The following GMDS variants were observed in gnomAD, a reference collection of about 807,000 sequenced individuals.
GMDS encodes GDP-mannose 4,6-dehydratase, also known as GDP-mannose 4,6 dehydratase.
In GMDS, 20 loss-of-function variants were observed where a neutral mutation model predicts 49.9. That is an observed-to-expected ratio of 0.40 (90% CI 0.28 to 0.58). The LOEUF (loss-of-function observed/expected upper bound fraction) is 0.58, where lower values mean the gene tolerates loss of function less well. Ranked by LOEUF, GMDS falls within the 20% of genes least tolerant of loss-of-function variation. The pLI, the probability that GMDS is intolerant of heterozygous loss-of-function variation, is 0.42. For missense variants in GMDS, 362 were observed against 481.4 expected, an observed-to-expected ratio of 0.75 and a Z score of 2.32; for synonymous variants, 177 against 178.6, an observed-to-expected ratio of 0.99 and a Z score of 0.07.
chr6:1,959,165 T>C (rs1312967802), intron 6 of GMDS, among the ~76,000 whole-genome samples: 1 of 152,240 alleles, frequency 6.6e-6, no homozygotes, highest in East Asian at 1.9e-4. Context: ...TCTAGTGTTC[T>C]GTGGAGTGCT....
In GMDS at chr6:2,182,483, C is replaced by CA. The variant is rs564333109; in HGVS notation, c.103-57753dup. 3.2e-3 allele frequency among the ~76,000 whole-genome samples: 490 copies of CA among 152,330 alleles called. 3 individuals carry two copies. Among genetic ancestry groups the CA allele is most frequent in the African/African-American group, 0.011 (476 of 41,580 alleles). ...GCAGAGATGTCAATGCCTATCTTCA[C>CA]AGCTTCAACTGACAGGCTGACTCTC... On this transcript the variant is annotated intron_variant, in intron 1 of 10. Transcript: ENST00000380815.
chr6:1,713,789 C>T (rs75260118), intron 9 of GMDS, among the ~76,000 whole-genome samples: 3 of 152,218 alleles, frequency 2.0e-5, no homozygotes, highest in South Asian at 2.1e-4. Context: ...ATCTGATCCA[C>T]GGGCCTATCT....
intron 1 of GMDS, among the ~76,000 whole-genome samples, chr6:2,173,407 A>G (rs1017505624): frequency 1.3e-5 from 2 of 152,246 alleles, no homozygotes; most frequent in Non-Finnish European, 2.9e-5. Flanking sequence ...CGATGATTTG[A>G]TAACTTTAAC....
intron 8 of GMDS, among the ~76,000 whole-genome samples, chr6:1,738,154 TACAC>T (rs34042918): frequency 6.7e-6 from 1 of 149,570 alleles, no homozygotes; most frequent in Non-Finnish European, 1.5e-5. Flanking sequence ...CAGATACACA[TACAC>T]ACACACAGAC....
At chr6:1,630,092 G>A (rs1355725716) in intron 9 of GMDS, among the ~76,000 whole-genome samples, 1 of 152,112 alleles carries the variant, frequency 6.6e-6, no homozygotes, top group Non-Finnish European at 1.5e-5. Flanking sequence ...TAAAAATATG[G>A]TTGACATAGT....
intron 4 of GMDS, among the ~76,000 whole-genome samples, chr6:2,057,279 G>A (rs1307591100): frequency 6.6e-6 from 1 of 152,124 alleles, no homozygotes; most frequent in African/African-American, 2.4e-5. Flanking sequence ...GAGGTCTCAT[G>A]ATAATATCTT....
intron 8 of GMDS, among the ~76,000 whole-genome samples, chr6:1,738,437 CA>C (rs1767133606): frequency 6.6e-6 from 1 of 152,142 alleles, no homozygotes; most frequent in Non-Finnish European, 1.5e-5. Context: ...TCAAAGACTT[CA>C]AGAGGAAATA....
chr6:2,182,888 T>C (rs1778617315), intron 1 of GMDS, among the ~76,000 whole-genome samples: 1 of 152,136 alleles, frequency 6.6e-6, no homozygotes, highest in Admixed American at 6.6e-5. Context: ...TGTATTTTTT[T>C]GTAGAGACAG....
chr6:1,871,208 T>C (rs1758727240), intron 7 of GMDS, among the ~76,000 whole-genome samples: 1 of 152,194 alleles, frequency 6.6e-6, no homozygotes, highest in Non-Finnish European at 1.5e-5. Flanking sequence ...AGCTGGGACC[T>C]GTTTGTGACT....
intron 4 of GMDS, among the ~76,000 whole-genome samples, chr6:2,111,797 A>T (rs945627285): frequency 6.6e-6 from 1 of 152,268 alleles, no homozygotes; most frequent in African/African-American, 2.4e-5. Context: ...TTGTCTAAAT[A>T]TATCTATGAA....
rs776232284 is a variant in GMDS at position 1,877,643 on chromosome 6, T to TCAAAAAAA, written c.771+52459_771+52460insTTTTTTTG. 2.1e-4 allele frequency among the ~76,000 whole-genome samples: 11 copies of TCAAAAAAA among 51,774 alleles called. No individual in the cohort carries two copies. In the East Asian group the frequency reaches 2.4e-3, roughly 11 times the overall value. The allele number at this position is 51,774 out of a possible 152,430, so 34.0% of individuals were successfully genotyped here. A position where few individuals can be genotyped will look rare whatever the true frequency, so the allele number is the denominator to read the frequency against. ...ACAGAGTGAGACCCCATCTCAAAAA[T>TCAAAAAAA]TAAAAAAAAAAAAAAAAAAAAAAAG... On this transcript the variant is annotated intron_variant, in intron 7 of 10. Coordinates refer to ENST00000380815, the MANE Select transcript of GMDS (RefSeq NM_001500.4).
chr6:2,137,485 C>T (rs1473827832), intron 1 of GMDS, among the ~76,000 whole-genome samples: 1 of 152,128 alleles, frequency 6.6e-6, no homozygotes, highest in Non-Finnish European at 1.5e-5. Flanking sequence ...AGGCATGCGT[C>T]ACCATACCCG....
intron 7 of GMDS, among the ~76,000 whole-genome samples, chr6:1,872,982 G>C (rs1332225522): frequency 6.6e-6 from 1 of 152,186 alleles, no homozygotes; most frequent in African/African-American, 2.4e-5. Flanking sequence ...GTAGATTCCT[G>C]TATCACACAG....
chr6:1,752,506 C>G (rs921541253), intron 7 of GMDS, among the ~76,000 whole-genome samples: 2 of 152,060 alleles, frequency 1.3e-5, no homozygotes, highest in Non-Finnish European at 2.9e-5. Flanking sequence ...GCAAGACAGG[C>G]GAACATTCAA....
At chr6:1,936,131 C>A (rs1302558116) in intron 6 of GMDS, among the ~76,000 whole-genome samples, 1 of 152,126 alleles carries the variant, frequency 6.6e-6, no homozygotes, top group African/African-American at 2.4e-5. Flanking sequence ...ATTCTGCTTG[C>A]TACTTTTGTC....
At chr6:1,713,336 G>T (rs1224798833) in intron 9 of GMDS, among the ~76,000 whole-genome samples, 1 of 152,228 alleles carries the variant, frequency 6.6e-6, no homozygotes, top group Non-Finnish European at 1.5e-5. Flanking sequence ...AAGAGTTGGT[G>T]GTTGCTCAGC....
intron 4 of GMDS, among the ~76,000 whole-genome samples, chr6:2,023,746 T>G (rs1400986239): frequency 6.6e-6 from 1 of 152,174 alleles, no homozygotes; most frequent in Non-Finnish European, 1.5e-5. Flanking sequence ...GTAGGAGACA[T>G]CATGCTCTAA....
At chr6:1,772,727 C>T (rs948147902) in intron 7 of GMDS, among the ~76,000 whole-genome samples, 2 of 152,126 alleles carry the variant, frequency 1.3e-5, no homozygotes, top group Admixed American at 6.5e-5. Context: ...GGTCAGGGTT[C>T]GTGATGACAC....
intron 2 of GMDS, among the ~76,000 whole-genome samples, chr6:2,119,747 A>C (rs1775041411): frequency 1.3e-5 from 2 of 152,214 alleles, no homozygotes; most frequent in African/African-American, 4.8e-5. Flanking sequence ...TATAAACTTA[A>C]TCAAAATCAT....
Sources: gnomAD v4.1 joint callset for allele counts (sites outside exome capture counted in the v4.1 genomes callset) on GRCh38, gnomAD v4.1.1 for gene constraint, MANE v1.5 for transcripts, NCBI Gene and HGNC (gene_info 2026-07-23, HGNC 2026-07-21) for gene names.